TMEM135: variants seen among roughly 807,000 people sequenced by gnomAD.
TMEM135 encodes transmembrane protein 135.
In TMEM135, 30 loss-of-function variants were observed where a neutral mutation model predicts 60.3. The ratio of observed to expected loss-of-function variants is 0.50; its 90% CI spans 0.37 to 0.68. The LOEUF (loss-of-function observed/expected upper bound fraction) is 0.68. Ranked by LOEUF, TMEM135 falls within the 30% of genes least tolerant of loss-of-function variation. The pLI is 0.00. For synonymous variants in TMEM135, 190 were observed against 186.7 expected, an observed-to-expected ratio of 1.02 and a Z score of -0.14; for missense variants, 468 against 548.8, an observed-to-expected ratio of 0.85 and a Z score of 1.47.
intron 1 of TMEM135, among the ~76,000 whole-genome samples, chr11:87,053,975 G>T (rs1196726155): frequency 6.6e-6 from 1 of 152,152 alleles, no homozygotes; most frequent in African/African-American, 2.4e-5. Flanking sequence ...TAGTTAATAA[G>T]TATTTGTTAG....
intron 6 of TMEM135, among the ~76,000 whole-genome samples, chr11:87,295,349 G>A (rs989694198): frequency 2.0e-4 from 30 of 152,146 alleles, no homozygotes; most frequent in African/African-American, 7.2e-4. Context: ...TATGAATACT[G>A]TGCATTCACT....
chr11:87,179,662 A>AT (rs979047867), intron 5 of TMEM135, among the ~76,000 whole-genome samples: 3 of 152,150 alleles, frequency 2.0e-5, no homozygotes, highest in Non-Finnish European at 4.4e-5. Context: ...TACCAGCAGC[A>AT]TTTTTTGAAA....
chr11:87,070,755 G>T (rs1472022858), intron 2 of TMEM135, among the ~76,000 whole-genome samples: 2 of 152,136 alleles, frequency 1.3e-5, no homozygotes, highest in Non-Finnish European at 2.9e-5. Context: ...ATATACTCTA[G>T]TACATGAAAA....
chr11:87,234,711 A>G (rs1206447473), intron 5 of TMEM135, among the ~76,000 whole-genome samples: 1 of 152,094 alleles, frequency 6.6e-6, no homozygotes, highest in Non-Finnish European at 1.5e-5. Context: ...AATTATATAA[A>G]GTATCTAGAG....
intron 1 of TMEM135, among the ~76,000 whole-genome samples, chr11:87,065,809 T>C (rs529559945): frequency 1.3e-5 from 2 of 152,370 alleles, no homozygotes; most frequent in South Asian, 4.1e-4. Flanking sequence ...GTTTCACATT[T>C]GTGCCTGTGA....
chr11:87,087,091 G>C (rs1857111748), intron 3 of TMEM135, among the ~76,000 whole-genome samples: 1 of 152,170 alleles, frequency 6.6e-6, no homozygotes, highest in African/African-American at 2.4e-5. Context: ...TTGCATGACT[G>C]TTTGGAGTTT....
intron 2 of TMEM135, among the ~76,000 whole-genome samples, chr11:87,068,884 T>C (rs1856719210): frequency 6.6e-6 from 1 of 151,920 alleles, no homozygotes; most frequent in Non-Finnish European, 1.5e-5. Context: ...AGATCATTAA[T>C]ATTTATAAAC....
chr11:87,156,681 A>G, intron 4 of TMEM135, among the ~76,000 whole-genome samples: 1 of 152,126 alleles, frequency 6.6e-6, no homozygotes, highest in Non-Finnish European at 1.5e-5. Context: ...GTGAGCAATA[A>G]CTATTTTGGT....
At chr11:87,189,133 T>C (rs921869173) in intron 5 of TMEM135, among the ~76,000 whole-genome samples, 3 of 151,506 alleles carry the variant, frequency 2.0e-5, no homozygotes, top group Admixed American at 1.3e-4. Context: ...CTTTCCCTTT[T>C]CCTTTCCCTT....
At chr11:87,103,377 C>CT (rs1322998630) in intron 4 of TMEM135, among the ~76,000 whole-genome samples, 2 of 151,944 alleles carry the variant, frequency 1.3e-5, no homozygotes, top group Non-Finnish European at 2.9e-5. Context: ...AGTAGCCACT[C>CT]TAACAGGTGT....
intron 5 of TMEM135, among the ~76,000 whole-genome samples, chr11:87,233,510 A>G (rs1161563305): frequency 1.3e-5 from 2 of 152,208 alleles, no homozygotes; most frequent in African/African-American, 4.8e-5. Context: ...GAATATGTTT[A>G]TTATTTTGCT....
intron 6 of TMEM135, among the ~76,000 whole-genome samples, chr11:87,280,255 A>T (rs1942036497): frequency 6.6e-6 from 1 of 152,250 alleles, no homozygotes; most frequent in Non-Finnish European, 1.5e-5. Flanking sequence ...ATAATTTAAA[A>T]ATAAACAATG....
intron 3 of TMEM135, among the ~76,000 whole-genome samples, chr11:87,081,104 T>TTC (rs60482417): frequency 6.6e-6 from 1 of 151,998 alleles, no homozygotes; most frequent in Non-Finnish European, 1.5e-5. Flanking sequence ...TTTTTTTTTT[T>TTC]AGCAGATAAT....
intron 1 of TMEM135, among the ~76,000 whole-genome samples, chr11:87,045,945 T>C (rs551358146): frequency 6.6e-6 from 1 of 152,318 alleles, no homozygotes; most frequent in East Asian, 1.9e-4. Flanking sequence ...GTGTGCTATG[T>C]GGTATGGTGA....
intron 6 of TMEM135, among the ~76,000 whole-genome samples, chr11:87,273,882 AT>A (rs200225355): frequency 0.025 from 3,869 of 152,172 alleles, 61 homozygotes; most frequent in Admixed American, 0.038. Flanking sequence ...GTTTATTTGC[AT>A]TTTTCCCCCC....
intron 12 of TMEM135, among the ~76,000 whole-genome samples, chr11:87,314,976 C>T (rs929872788): frequency 4.6e-5 from 7 of 152,020 alleles, no homozygotes; most frequent in Middle Eastern, 3.4e-3. Flanking sequence ...CATTATCATA[C>T]ATTAAAACCC....
chr11:87,200,557 A>G (rs1663545795), intron 5 of TMEM135, among the ~76,000 whole-genome samples: 2 of 152,202 alleles, frequency 1.3e-5, no homozygotes, highest in African/African-American at 4.8e-5. Flanking sequence ...CTCCTCCATG[A>G]TCAACATCCA....
chr11:87,120,468 A>G (rs1591034431), intron 4 of TMEM135, among the ~76,000 whole-genome samples: 1 of 77,236 alleles, frequency 1.3e-5, no homozygotes, highest in South Asian at 4.2e-4. Context: ...ATGAGATGAA[A>G]TTTCTTTTTT....
At chr11:87,157,802 G>C (rs570831562) in intron 5 of TMEM135, 2 of 165,602 alleles carry the variant, frequency 1.2e-5, no homozygotes, top group Admixed American at 6.1e-5. Flanking sequence ...TACACGTGGA[G>C]AGAAGGGAAG....
Sources: allele counts gnomAD v4.1 joint callset (sites outside exome capture counted in the v4.1 genomes callset), GRCh38; gene constraint gnomAD v4.1.1; transcripts MANE v1.5; gene names NCBI Gene and HGNC (gene_info 2026-07-23, HGNC 2026-07-21).